PCDH15: variants seen among roughly 807,000 people sequenced by gnomAD.
PCDH15 encodes protocadherin related 15.
PCDH15 carries 129 observed loss-of-function variants against 178.5 expected under a neutral mutation model. That is an observed-to-expected ratio of 0.72 (90% CI 0.63 to 0.84). PCDH15 has a LOEUF of 0.84. Ranked by LOEUF, PCDH15 falls within the 40% of genes least tolerant of loss-of-function variation. PCDH15 has a pLI of 0.00. For synonymous variants in PCDH15, 800 were observed against 732.0 expected (o/e 1.09, Z -1.50); for missense variants, 2,230 against 2,099.9 (o/e 1.06, Z -1.21).
intron 2 of PCDH15, among the ~76,000 whole-genome samples, chr10:55,028,658 T>C (rs905001723): frequency 6.6e-6 from 1 of 152,010 alleles, no homozygotes; most frequent in African/African-American, 2.4e-5. Flanking sequence ...GATGCTCATC[T>C]GAGCATAAAA....
At chr10:55,400,571 C>T (rs183763257) in intron 2 of PCDH15, among the ~76,000 whole-genome samples, 65 of 152,218 alleles carry the variant, frequency 4.3e-4, no homozygotes, top group African/African-American at 1.6e-3. Context: ...ACAATATTCT[C>T]CGTGCTCCCA....
intron 32 of PCDH15, among the ~76,000 whole-genome samples, chr10:53,824,239 C>G (rs1416131997): frequency 6.6e-6 from 1 of 152,008 alleles, no homozygotes; most frequent in Non-Finnish European, 1.5e-5. Context: ...AAGTTGCATA[C>G]ATCAAAGATC....
intron 2 of PCDH15, among the ~76,000 whole-genome samples, chr10:54,622,231 T>C (rs2093374662): frequency 6.6e-6 from 1 of 151,708 alleles, no homozygotes; most frequent in Admixed American, 6.6e-5. Context: ...TGATGCTCTA[T>C]GTATCTACCG....
intron 3 of PCDH15, among the ~76,000 whole-genome samples, chr10:54,824,435 T>C (rs927332121): frequency 2.1e-4 from 32 of 152,146 alleles, no homozygotes; most frequent in Non-Finnish European, 4.6e-4. Context: ...TGAGGCTTTT[T>C]CCCATATGCT....
chr10:54,554,562 T>G (rs930427089), intron 2 of PCDH15, among the ~76,000 whole-genome samples: 3 of 152,070 alleles, frequency 2.0e-5, no homozygotes, highest in African/African-American at 7.2e-5. Flanking sequence ...GGAGAAAATA[T>G]TTTGGAGGCT....
At chr10:55,624,195 T>C (rs1033712953) in intron 2 of PCDH15, among the ~76,000 whole-genome samples, 19 of 151,974 alleles carry the variant, frequency 1.3e-4, no homozygotes, top group Non-Finnish European at 1.6e-4. Context: ...AAACTTCTCT[T>C]AGGTTAAGTT....
intron 2 of PCDH15, among the ~76,000 whole-genome samples, chr10:55,075,460 G>T (rs1841864917): frequency 6.6e-6 from 1 of 151,126 alleles, no homozygotes; most frequent in Non-Finnish European, 1.5e-5. Context: ...CTGCCTCCCG[G>T]GTTCAAGCGA....
intron 2 of PCDH15, among the ~76,000 whole-genome samples, chr10:55,600,590 C>T (rs1056635270): frequency 6.6e-5 from 10 of 151,974 alleles, no homozygotes; most frequent in African/African-American, 2.4e-4. Flanking sequence ...ATGGTGTAGC[C>T]GCTATTAAGG....
At chr10:54,218,865 C>T (rs183305229) in intron 9 of PCDH15, among the ~76,000 whole-genome samples, 38 of 152,076 alleles carry the variant, frequency 2.5e-4, no homozygotes, top group Non-Finnish European at 4.6e-4. Context: ...ATCAAGATGA[C>T]GAGAAACTCT....
rs138983888 is a variant in PCDH15, at chr10:54,132,877, G to A, written c.1915C>T (p.Gln639Ter). The A allele has an allele frequency of 3.1e-6, 5 of 1,611,074 alleles. No individual in the cohort carries two copies. The African/African-American group carries it at 5.4e-5, about 17-fold the overall frequency. Residue 639 changes from glutamine (Q) to a stop codon, truncating the protein, a stop_gained and splice_region_variant, in exon 15 of 38, where the codon CAG becomes TAG. Transcript: ENST00000644397. LOFTEE classifies it high-confidence loss of function. ...CACACACACACCAAGGAACATACCT[G>A]TAGATTTAATAAAACAGCACCAACC... Reference protein sequence around the residue: ...MRVGAVLLNLQATDREGDSIT... With the variant: ...MRVGAVLLNL
intron 14 of PCDH15, among the ~76,000 whole-genome samples, chr10:54,136,359 C>A (rs1215293690): frequency 6.6e-6 from 1 of 151,516 alleles, no homozygotes; most frequent in African/African-American, 2.4e-5. Context: ...TTAACGTCTT[C>A]AATAACCCTG....
intron 1 of PCDH15, among the ~76,000 whole-genome samples, chr10:54,676,719 T>G (rs979703769): frequency 6.6e-6 from 1 of 152,190 alleles, no homozygotes; most frequent in East Asian, 1.9e-4. Context: ...CAGTGAAACT[T>G]TCTAAACTAT....
At chr10:53,918,415 A>G (rs1333536948) in intron 25 of PCDH15, among the ~76,000 whole-genome samples, 1 of 152,180 alleles carries the variant, frequency 6.6e-6, no homozygotes, top group Non-Finnish European at 1.5e-5. Flanking sequence ...ATTTGTAATA[A>G]CAGCAAAGGT....
intron 9 of PCDH15, among the ~76,000 whole-genome samples, chr10:54,232,958 C>T (rs2054232273): frequency 7.1e-6 from 1 of 140,292 alleles, no homozygotes; most frequent in Non-Finnish European, 1.5e-5. Flanking sequence ...AGAGAGTCAC[C>T]TCCAATCTCC....
At chr10:55,222,710 T>TACACACACACAG (rs1554842351) in intron 1 of PCDH15, among the ~76,000 whole-genome samples, 29 of 42,164 alleles carry the variant, frequency 6.9e-4, no homozygotes, top group Admixed American at 1.5e-3. Context: ...TATATCTTTA[T>TACACACACACAG]ACACACACAC....
chr10:54,728,326 A>G (rs929812569), intron 1 of PCDH15, among the ~76,000 whole-genome samples: 1 of 151,600 alleles, frequency 6.6e-6, no homozygotes, highest in Non-Finnish European at 1.5e-5. Context: ...AAACAGAACT[A>G]TAAACCAAAC....
At position 54,835,400 on chromosome 10, in the gene PCDH15, CCTT is replaced by C. The variant is rs149856373; in HGVS notation, c.-29+62047_-29+62049del. On this transcript the variant is annotated intron_variant, in intron 3 of 5. Coordinates refer to the PCDH15 transcript ENST00000458638. ...TCACATAAAAATTATTTCTCTCTCT[CCTT>C]CTCCATCTCTCTTTCTCATACATGC... Among the ~76,000 whole-genome samples, 1,401 of 152,150 alleles carry C rather than the reference CCTT, an allele frequency of 9.2e-3. 11 individuals are homozygous for C. Among genetic ancestry groups the C allele is most frequent in the Non-Finnish European group, 0.015 (988 of 67,992 alleles).
intron 5 of PCDH15, among the ~76,000 whole-genome samples, chr10:54,362,248 A>G (rs148696155): frequency 6.6e-6 from 1 of 152,110 alleles, no homozygotes; most frequent in Non-Finnish European, 1.5e-5. Flanking sequence ...CAGTATTCTT[A>G]TTATGAACAA....
intron 29 of PCDH15, among the ~76,000 whole-genome samples, chr10:53,837,144 A>G (rs2077355206): frequency 6.6e-6 from 1 of 152,122 alleles, no homozygotes; most frequent in African/African-American, 2.4e-5. Context: ...AAATTATGAG[A>G]AAAATCAAAT....
Sources: gnomAD v4.1 joint callset for allele counts (sites outside exome capture counted in the v4.1 genomes callset) on GRCh38, gnomAD v4.1.1 for gene constraint, MANE v1.5 for transcripts, NCBI Gene and HGNC (gene_info 2026-07-23, HGNC 2026-07-21) for gene names.